Variants in TTC39C observed in about 807,000 individuals in gnomAD.
TTC39C encodes tetratricopeptide repeat domain 39C.
TTC39C carries 33 observed loss-of-function variants against 76.3 expected under a neutral mutation model. That is an observed-to-expected ratio of 0.43 (90% CI 0.33 to 0.58). The LOEUF (loss-of-function observed/expected upper bound fraction) is 0.58. TTC39C is among the 20% of genes least tolerant of loss of function. The pLI, the probability that TTC39C is intolerant of heterozygous loss-of-function variation, is 0.04. For missense variants in TTC39C, 595 were observed against 701.4 expected, an observed-to-expected ratio of 0.85 and a Z score of 1.71; for synonymous variants, 254 against 260.6, an observed-to-expected ratio of 0.97 and a Z score of 0.24.
At chr18:24,093,340 G>A (rs949792240) in intron 6 of TTC39C, among the ~76,000 whole-genome samples, 3 of 152,052 alleles carry the variant, frequency 2.0e-5, no homozygotes, top group Non-Finnish European at 2.9e-5. Context: ...CTAGCTGGGC[G>A]TGGTGGCGGG....
chr18:24,043,729 TAACTATTA>T (rs1056266017), intron 1 of TTC39C, among the ~76,000 whole-genome samples: 2 of 152,208 alleles, frequency 1.3e-5, no homozygotes, highest in Non-Finnish European at 2.9e-5. Context: ...ACTGCACCAT[TAACTATTA>T]AATCCATAAA....
chr18:24,103,810 C>T (rs1329875334), intron 6 of TTC39C, among the ~76,000 whole-genome samples: 2 of 151,322 alleles, frequency 1.3e-5, no homozygotes, highest in Non-Finnish European at 2.9e-5. Context: ...GCAGTCTGCT[C>T]TAACATATCT....
At chr18:24,066,280 G>A (rs2084165702) in intron 3 of TTC39C, 140 bp downstream of exon 3, 8 of 1,163,826 alleles carry the variant, frequency 6.9e-6, no homozygotes, top group Non-Finnish European at 9.3e-6. Context: ...TATGGTTTTT[G>A]GTTATATAAA....
intron 1 of TTC39C, among the ~76,000 whole-genome samples, chr18:24,007,127 G>A (rs1013296307): frequency 2.6e-5 from 4 of 152,112 alleles, no homozygotes; most frequent in Admixed American, 2.0e-4. Flanking sequence ...TGAGACACAC[G>A]GATTGCTAAG....
chr18:24,107,074 G>A (rs1019072084), intron 6 of TTC39C, among the ~76,000 whole-genome samples: 1 of 152,168 alleles, frequency 6.6e-6, no homozygotes, highest in African/African-American at 2.4e-5. Context: ...AACTCTAGAC[G>A]TGGAATCTTT....
chr18:24,045,896 T>TATATATATATATATATATGTATATGTAC (rs1568417212), intron 1 of TTC39C, among the ~76,000 whole-genome samples: 4 of 40,508 alleles, frequency 9.9e-5, no homozygotes, highest in African/African-American at 5.4e-4. Context: ...TGTGAAAATA[T>TATATATATATATATATATGTATATGTAC]ATATATATAT....
intron 4 of TTC39C, among the ~76,000 whole-genome samples, chr18:24,075,109 T>C (rs1213877500): frequency 6.6e-6 from 1 of 151,914 alleles, no homozygotes; most frequent in Non-Finnish European, 1.5e-5. Flanking sequence ...ATGAGAACAC[T>C]TGGACACAGG....
chr18:24,061,242 A>ATTTT (rs1362874261), intron 1 of TTC39C, among the ~76,000 whole-genome samples: 2 of 150,104 alleles, frequency 1.3e-5, no homozygotes, highest in East Asian at 4.2e-4. Flanking sequence ...TTTTTTTTAA[A>ATTTT]AAAATAGGTT....
chr18:24,015,333 T>G, intron 1 of TTC39C: 7 of 264,902 alleles, frequency 2.6e-5, no homozygotes, highest in Non-Finnish European at 3.6e-5. Context: ...CCCACAGACG[T>G]GCCCGGTGCC....
intron 6 of TTC39C, among the ~76,000 whole-genome samples, chr18:24,105,993 C>T (rs578061414): frequency 3.9e-5 from 6 of 152,284 alleles, no homozygotes; most frequent in South Asian, 2.1e-4. Flanking sequence ...TCTCCGCCTC[C>T]GCATGGTGTT....
At chr18:24,019,898 C>G in intron 1 of TTC39C, 1 of 1,526,698 alleles carries the variant, frequency 6.6e-7, no homozygotes, top group East Asian at 2.5e-5. Flanking sequence ...TCAGCGCTTC[C>G]TGGAGAAACT....
intron 1 of TTC39C, among the ~76,000 whole-genome samples, chr18:24,052,778 A>G (rs2083968986): frequency 6.6e-6 from 1 of 152,188 alleles, no homozygotes; most frequent in Non-Finnish European, 1.5e-5. Flanking sequence ...CTATGGGAAA[A>G]CATTGAGAAT....
intron 4 of TTC39C, among the ~76,000 whole-genome samples, chr18:24,070,980 G>T (rs1490618218): frequency 6.6e-6 from 1 of 152,098 alleles, no homozygotes; most frequent in Non-Finnish European, 1.5e-5. Flanking sequence ...CTTGGTTGGA[G>T]TGCAGTGGTG....
chr18:24,109,016 C>A (rs2084778870), intron 6 of TTC39C, among the ~76,000 whole-genome samples: 1 of 151,782 alleles, frequency 6.6e-6, no homozygotes, highest in African/African-American at 2.4e-5. Context: ...GGTACCTTTC[C>A]TAAGAGTATT....
chr18:24,061,823 G>A (rs1415621553), intron 1 of TTC39C, among the ~76,000 whole-genome samples: 1 of 152,142 alleles, frequency 6.6e-6, no homozygotes, highest in Non-Finnish European at 1.5e-5. Flanking sequence ...AGAATGGCTG[G>A]AACCTGGGAG....
intron 1 of TTC39C, among the ~76,000 whole-genome samples, chr18:24,018,494 CAT>C (rs903454878): frequency 2.4e-4 from 36 of 152,208 alleles, no homozygotes; most frequent in Admixed American, 9.8e-4. Context: ...GTGCCAAAGA[CAT>C]GTGCTAGATA....
chr18:24,098,496 CTAT>C (rs200694620), intron 6 of TTC39C, among the ~76,000 whole-genome samples: 4 of 98,094 alleles, frequency 4.1e-5, no homozygotes, highest in East Asian at 9.3e-4. Flanking sequence ...CTCTCCTCTC[CTAT>C]CCTCTCCTCT....
At chr18:24,092,114 A>ATAAT (rs1171446644) in intron 6 of TTC39C, among the ~76,000 whole-genome samples, 5 of 129,514 alleles carry the variant, frequency 3.9e-5, no homozygotes, top group East Asian at 4.4e-4. Context: ...AAAAAAAAAA[A>ATAAT]AAAAAAAAAA....
intron 1 of TTC39C, among the ~76,000 whole-genome samples, chr18:24,008,659 G>A (rs146359382): frequency 6.6e-6 from 1 of 152,202 alleles, no homozygotes; most frequent in African/African-American, 2.4e-5. Context: ...ATTCCTATTC[G>A]ACCCAGCATT....
Sources: allele counts gnomAD v4.1 joint callset (sites outside exome capture counted in the v4.1 genomes callset), GRCh38; gene constraint gnomAD v4.1.1; transcripts MANE v1.5; gene names NCBI Gene and HGNC (gene_info 2026-07-23, HGNC 2026-07-21).